Variants in HTR2C observed in about 807,000 individuals in gnomAD.
The protein encoded by HTR2C is 5-hydroxytryptamine receptor 2C.
Under a neutral mutation model 21.0 loss-of-function variants are expected in HTR2C, and 5 were observed. The ratio of observed to expected loss-of-function variants is 0.24; its 90% CI spans 0.12 to 0.50. The LOEUF (loss-of-function observed/expected upper bound fraction) is 0.50, where lower values mean the gene tolerates loss of function less well. HTR2C is among the 20% of genes least tolerant of loss of function. The probability of loss-of-function intolerance (pLI) is 0.98; values close to 1 mark genes in which losing one functional copy is unlikely to be tolerated. For synonymous variants in HTR2C, 150 were observed against 145.3 expected (o/e 1.03, Z -0.23); for missense variants, 271 against 371.2 (o/e 0.73, Z 2.22).
At chrX:114,782,967 C>T (rs143741575) in intron 4 of HTR2C, among the ~76,000 whole-genome samples, 1,531 of 109,284 alleles carry the variant, frequency 0.014, 30 homozygotes, top group African/African-American at 0.048. Context: ...GAGAGGCAGA[C>T]AGAAAAACTG....
chrX:114,841,888 G>C (rs191580988), intron 4 of HTR2C, among the ~76,000 whole-genome samples: 1 of 112,323 alleles, frequency 8.9e-6, no homozygotes, highest in African/African-American at 3.2e-5. Context: ...AAGAGTTTCT[G>C]CCACTTATTA....
intron 4 of HTR2C, among the ~76,000 whole-genome samples, chrX:114,780,319 C>T (rs1332371153): frequency 9.0e-6 from 1 of 111,303 alleles, no homozygotes; most frequent in Non-Finnish European, 1.9e-5. Context: ...AAAGAGCTCA[C>T]ATGAGAGTAA....
intron 2 of HTR2C, among the ~76,000 whole-genome samples, chrX:114,706,847 C>G (rs1932780194): frequency 9.0e-6 from 1 of 111,155 alleles, no homozygotes; most frequent in Non-Finnish European, 1.9e-5. Context: ...GAGCTAAAAT[C>G]TATTGCTTTT....
At chrX:114,843,512 T>C (rs187360742) in intron 4 of HTR2C, among the ~76,000 whole-genome samples, 6 of 110,955 alleles carry the variant, frequency 5.4e-5, no homozygotes, top group Admixed American at 4.8e-4. Flanking sequence ...TACCAATATA[T>C]GCACAATGGG....
intron 2 of HTR2C, among the ~76,000 whole-genome samples, chrX:114,698,837 G>GA (rs782084024): frequency 9.0e-6 from 1 of 111,460 alleles, no homozygotes; most frequent in Non-Finnish European, 1.9e-5. Flanking sequence ...GTTTCAATGC[G>GA]AAAAAAGAGG....
chrX:114,810,867 A>G (rs1007552606), intron 4 of HTR2C, among the ~76,000 whole-genome samples: 5 of 110,501 alleles, frequency 4.5e-5, no homozygotes, highest in African/African-American at 1.6e-4. Context: ...TGAAGCAAAT[A>G]AAAAAGCTTT....
chrX:114,603,656 T>A (rs1174567726), intron 1 of HTR2C, among the ~76,000 whole-genome samples: 1 of 53,453 alleles, frequency 1.9e-5, no homozygotes, highest in African/African-American at 7.6e-5. Flanking sequence ...ATGGGGGCTG[T>A]CTGTGAAGCT....
intron 2 of HTR2C, among the ~76,000 whole-genome samples, chrX:114,675,892 G>A (rs1332353056): frequency 2.2e-5 from 2 of 91,729 alleles, no homozygotes; most frequent in Non-Finnish European, 4.2e-5. Context: ...TTTTTGAGAC[G>A]AAATCTTGCT....
chrX:114,629,219 T>C (rs1556403643), intron 2 of HTR2C, among the ~76,000 whole-genome samples: 1 of 111,908 alleles, frequency 8.9e-6, no homozygotes, highest in African/African-American at 3.2e-5. Flanking sequence ...GGAGAAAATA[T>C]GCCCATTTAT....
At chrX:114,685,984 C>A in intron 2 of HTR2C, among the ~76,000 whole-genome samples, 1 of 111,222 alleles carries the variant, frequency 9.0e-6, no homozygotes, top group East Asian at 2.8e-4. Context: ...ATCATAATTA[C>A]AACCTCATAC....
At chrX:114,699,955 AT>A (rs1932408956) in intron 2 of HTR2C, among the ~76,000 whole-genome samples, 1 of 49,966 alleles carries the variant, frequency 2.0e-5, no homozygotes, top group Non-Finnish European at 4.4e-5. Context: ...ATTTCTTTTG[AT>A]TAAGTTATAA....
intron 5 of HTR2C, among the ~76,000 whole-genome samples, chrX:114,875,544 T>C (rs781952956): frequency 9.0e-6 from 1 of 111,662 alleles, no homozygotes; most frequent in Non-Finnish European, 1.9e-5. Flanking sequence ...GTTTCAGTTT[T>C]TACATTTAAG....
At chrX:114,770,883 C>T (rs1423935723) in intron 4 of HTR2C, among the ~76,000 whole-genome samples, 3 of 104,687 alleles carry the variant, frequency 2.9e-5, no homozygotes, top group Non-Finnish European at 5.8e-5. Flanking sequence ...CTCACTGCAA[C>T]CTCCGCCTCC....
At chrX:114,822,775 T>G (rs1556456806) in intron 4 of HTR2C, among the ~76,000 whole-genome samples, 3 of 112,057 alleles carry the variant, frequency 2.7e-5, no homozygotes, top group African/African-American at 9.7e-5. Context: ...CAGGTCCTGA[T>G]GAAATTGTAG....
intron 4 of HTR2C, among the ~76,000 whole-genome samples, chrX:114,794,555 TG>T (rs2070270286): frequency 1.3e-5 from 1 of 75,753 alleles, no homozygotes; most frequent in Non-Finnish European, 2.4e-5. Flanking sequence ...GTCCCTGGTG[TG>T]TGATATTCTC....
intron 2 of HTR2C, among the ~76,000 whole-genome samples, chrX:114,618,085 A>G (rs782708783): frequency 8.9e-6 from 1 of 112,099 alleles, no homozygotes; most frequent in African/African-American, 3.2e-5. Context: ...TATCAGTTGA[A>G]GTCAAAACAC....
chrX:114,743,211 G>A (rs2069669206), intron 4 of HTR2C, among the ~76,000 whole-genome samples: 1 of 99,308 alleles, frequency 1.0e-5, no homozygotes, highest in Middle Eastern at 4.6e-3. Flanking sequence ...TGTCTTTATA[G>A]CAGCATGATT....
chrX:114,586,346 GGGGA>G (rs1927393766), intron 1 of HTR2C, among the ~76,000 whole-genome samples: 1 of 111,634 alleles, frequency 9.0e-6, no homozygotes, highest in African/African-American at 3.3e-5. Flanking sequence ...TCCATATTTT[GGGGA>G]GGTAGGTTAT....
intron 4 of HTR2C, among the ~76,000 whole-genome samples, chrX:114,751,432 G>A (rs781828419): frequency 8.9e-6 from 1 of 111,945 alleles, no homozygotes; most frequent in African/African-American, 3.2e-5. Context: ...TGTCATTATA[G>A]CATTTCAACA....
Sources: allele counts gnomAD v4.1 joint callset (sites outside exome capture counted in the v4.1 genomes callset), GRCh38; gene constraint gnomAD v4.1.1; transcripts MANE v1.5; gene names NCBI Gene and HGNC (gene_info 2026-07-23, HGNC 2026-07-21).